Variants in ATP11A observed in about 807,000 individuals in gnomAD.
ATP11A encodes the protein phospholipid-transporting ATPase IH.
In ATP11A, 81 loss-of-function variants were observed where a neutral mutation model predicts 154.4. The ratio of observed to expected loss-of-function variants is 0.52; its 90% CI spans 0.44 to 0.63. The LOEUF (loss-of-function observed/expected upper bound fraction) is 0.63, where lower values mean the gene tolerates loss of function less well. ATP11A is among the 30% of genes least tolerant of loss of function. ATP11A has a pLI of 0.00. For synonymous variants in ATP11A, 623 were observed against 585.9 expected, an observed-to-expected ratio of 1.06 and a Z score of -0.91; for missense variants, 1,316 against 1,474.3, an observed-to-expected ratio of 0.89 and a Z score of 1.76.
At position 112,826,942 on chromosome 13, in the gene ATP11A, C is replaced by G. The variant is rs1216458714; in HGVS notation, c.1221+51C>G. On this transcript the variant is annotated intron_variant, in intron 12 of 29. Transcript: ENST00000375645. ...GTGATTTATTAACATCTGGGTGAGT[C>G]TGCTTCACGTTCCTCAGGTCCTGTG... 7 of 1,589,546 alleles carry G rather than the reference C, an allele frequency of 4.4e-6. No individual in the cohort carries two copies. The South Asian group carries it at 5.6e-5, about 13-fold the overall frequency.
rs2080930157 is a variant in ATP11A, at chr13:112,883,578, A to G, written c.*1712A>G. The G allele has an allele frequency of 1.2e-5, 2 of 167,798 alleles. No individual in the cohort carries two copies. Among genetic ancestry groups the G allele is most frequent in the African/African-American group, 2.4e-5 (1 of 42,136 alleles). The allele number at this position is 167,798 out of a possible 1,614,324, so 10.4% of individuals were successfully genotyped here. A position where few individuals can be genotyped will look rare whatever the true frequency, so the allele number is the denominator to read the frequency against. ...TTTTACCTATAAAATATTTATTTGAAGTAGAGGGTAAATCAGCGGTAAGAA... is the reference window on the plus strand; with the variant it reads ...TTTTACCTATAAAATATTTATTTGAGGTAGAGGGTAAATCAGCGGTAAGAA... On this transcript the variant is annotated 3_prime_UTR_variant, in exon 30 of 30. Transcript: ENST00000375645.
chr13:112,719,992 G>T (rs895076608), intron 1 of ATP11A, among the ~76,000 whole-genome samples: 1 of 152,234 alleles, frequency 6.6e-6, no homozygotes, highest in Non-Finnish European at 1.5e-5. Flanking sequence ...CTTTGCAGCA[G>T]TATCTGTTGT....
intron 1 of ATP11A, among the ~76,000 whole-genome samples, chr13:112,720,757 C>T (rs907809055): frequency 9.2e-5 from 14 of 152,078 alleles, no homozygotes; most frequent in African/African-American, 3.1e-4. Context: ...GGGGTTTCAC[C>T]GTGTTGGCCA....
At chr13:112,695,374 C>T (rs1487400380) in intron 1 of ATP11A, among the ~76,000 whole-genome samples, 3 of 152,360 alleles carry the variant, frequency 2.0e-5, no homozygotes, top group African/African-American at 7.2e-5. Context: ...TCACCAAGCA[C>T]CCTTCTTGTC....
intron 1 of ATP11A, among the ~76,000 whole-genome samples, chr13:112,742,772 T>G (rs997162004): frequency 1.3e-5 from 2 of 152,186 alleles, no homozygotes; most frequent in African/African-American, 2.4e-5. Flanking sequence ...GGACACGTGC[T>G]CAGACTGAAG....
intron 1 of ATP11A, among the ~76,000 whole-genome samples, chr13:112,705,869 A>G (rs1287546982): frequency 6.6e-6 from 1 of 152,230 alleles, no homozygotes; most frequent in African/African-American, 2.4e-5. Flanking sequence ...ATTGATTTAT[A>G]GGTAATTTTT....
At chr13:112,701,788 G>A (rs538789942) in intron 1 of ATP11A, among the ~76,000 whole-genome samples, 2 of 152,218 alleles carry the variant, frequency 1.3e-5, no homozygotes, top group African/African-American at 2.4e-5. Context: ...AGAGGAGATC[G>A]CGCCACTGCA....
intron 24 of ATP11A, among the ~76,000 whole-genome samples, chr13:112,861,077 G>C (rs150675247): frequency 6.6e-6 from 1 of 152,168 alleles, no homozygotes; most frequent in Non-Finnish European, 1.5e-5. Context: ...GCAAAGGCAC[G>C]TCTTACATGG....
chr13:112,811,363 C>T (rs2078495544), intron 5 of ATP11A, among the ~76,000 whole-genome samples: 1 of 151,904 alleles, frequency 6.6e-6, no homozygotes, highest in South Asian at 2.1e-4. Context: ...CACACAGCCT[C>T]CCCATCACCA....
intron 1 of ATP11A, among the ~76,000 whole-genome samples, chr13:112,775,229 T>C (rs1257008178): frequency 6.6e-6 from 1 of 152,146 alleles, no homozygotes; most frequent in Admixed American, 6.5e-5. Flanking sequence ...CTTCTTCCAG[T>C]GGGGTTGGCA....
In ATP11A at chr13:112,785,926, G is replaced by A. The variant is rs1408565396; in HGVS notation, c.162+669G>A. Among the ~76,000 whole-genome samples the A allele has an allele frequency of 4.6e-5, 7 of 151,988 alleles. No individual in the cohort carries two copies. The highest frequency in any genetic ancestry group is 6.5e-5 in the Admixed American group (1 of 15,284). The stretch of plus-strand genomic sequence containing the variant: ...CTGTGCTTTCCAGGTAATGCGGAAC[G>A]CACGTGCCTGCGTTCAGACTCCATT... On this transcript the variant is annotated intron_variant, in intron 2 of 29. Coordinates refer to ENST00000375645, the MANE Select transcript of ATP11A (RefSeq NM_015205.3). This position sits in a 1 kb window ranked among gnomAD's most constrained non-coding sequence, Gnocchi z 4.8.
chr13:112,861,350 A>G (rs1005567281), intron 24 of ATP11A, among the ~76,000 whole-genome samples: 13 of 152,226 alleles, frequency 8.5e-5, no homozygotes, highest in African/African-American at 2.9e-4. Flanking sequence ...GTTGTAAGAA[A>G]TAATAGATTC....
At chr13:112,865,083 G>GC (rs2080278595) in intron 25 of ATP11A, among the ~76,000 whole-genome samples, 1 of 121,828 alleles carries the variant, frequency 8.2e-6, no homozygotes, top group Non-Finnish European at 1.7e-5. Flanking sequence ...ATCACCACAT[G>GC]GGCAGTAATT....
intron 2 of ATP11A, among the ~76,000 whole-genome samples, chr13:112,787,060 C>CGGGTGTCCTGATGCGTAGACCCCG (rs2077652287): frequency 1.8e-5 from 2 of 108,334 alleles, no homozygotes; most frequent in Non-Finnish European, 4.3e-5. Flanking sequence ...TAATTCACAC[C>CGGGTGTCCTGATGCGTAGACCCCG]GGGTGTCCTG....
At position 112,878,310 on chromosome 13, in the gene ATP11A, C is replaced by A. The variant is rs1364483280; in HGVS notation, c.*9+7C>A. 1 of 1,613,676 alleles carries A rather than the reference C, an allele frequency of 6.2e-7. No homozygotes were observed. The highest frequency in any genetic ancestry group is 8.5e-7 in the Non-Finnish European group (1 of 1,179,866). ...GAGTTTCTGATGGAACAAGGTGATG[C>A]TCCTCTGCCTTCCACGCACCTGGGA... On this transcript the variant is annotated splice_region_variant and intron_variant, in intron 29 of 29. Coordinates refer to ENST00000375645, the MANE Select transcript of ATP11A (RefSeq NM_015205.3).
chr13:112,735,845 T>G (rs1890943861), intron 1 of ATP11A, among the ~76,000 whole-genome samples: 1 of 152,224 alleles, frequency 6.6e-6, no homozygotes, highest in African/African-American at 2.4e-5. Flanking sequence ...TAAGTTGGGC[T>G]CAGCACTAAG....
intron 12 of ATP11A, among the ~76,000 whole-genome samples, chr13:112,828,550 A>G (rs1287879965): frequency 6.6e-6 from 1 of 150,682 alleles, no homozygotes; most frequent in African/African-American, 2.5e-5. Flanking sequence ...TAGGGGGGAA[A>G]GCGCCAAGAA....
chr13:112,873,942 CCAGGA>C (rs1185841018), intron 27 of ATP11A, among the ~76,000 whole-genome samples: 2 of 152,148 alleles, frequency 1.3e-5, no homozygotes, highest in African/African-American at 4.8e-5. Flanking sequence ...GAGGAACAGA[CCAGGA>C]TTCCGCACCA....
intron 1 of ATP11A, among the ~76,000 whole-genome samples, chr13:112,706,084 C>T (rs1239512053): frequency 6.6e-6 from 1 of 152,126 alleles, no homozygotes; most frequent in Non-Finnish European, 1.5e-5. Flanking sequence ...TTGGGCAACA[C>T]TCTTTTTTTT....
Sources: allele counts gnomAD v4.1 joint callset (sites outside exome capture counted in the v4.1 genomes callset), GRCh38; gene constraint gnomAD v4.1.1; non-coding constraint Gnocchi (gnomAD v3.1); transcripts MANE v1.5; gene names NCBI Gene and HGNC (gene_info 2026-07-23, HGNC 2026-07-21).